USP34: variants seen among roughly 807,000 people sequenced by gnomAD.
The protein encoded by USP34 is ubiquitin specific peptidase 34.
In USP34, 70 loss-of-function variants were observed where a neutral mutation model predicts 460.3. That is an observed-to-expected ratio of 0.15 (90% CI 0.13 to 0.19). USP34 has a LOEUF of 0.19. Ranked by LOEUF, USP34 falls within the 10% of genes least tolerant of loss-of-function variation. The pLI, the probability that USP34 is intolerant of heterozygous loss-of-function variation, is 1.00. For synonymous variants in USP34, 1,647 were observed against 1,405.3 expected (o/e 1.17, Z -3.85); for missense variants, 3,985 against 4,236.2 (o/e 0.94, Z 1.65).
chr2:61,429,420 C>G (rs1431474287), intron 1 of USP34, among the ~76,000 whole-genome samples: 1 of 152,162 alleles, frequency 6.6e-6, no homozygotes, highest in African/African-American at 2.4e-5. Context: ...GCACTCCAGC[C>G]TGGGCAACAG....
chr2:61,459,148 G>A (rs954645823), intron 1 of USP34, among the ~76,000 whole-genome samples: 5 of 152,156 alleles, frequency 3.3e-5, no homozygotes, highest in African/African-American at 1.2e-4. Flanking sequence ...TTTCTTATGA[G>A]TTTCCCAACT....
At chr2:61,465,228 G>A (rs542907550) in intron 1 of USP34, among the ~76,000 whole-genome samples, 47 of 152,212 alleles carry the variant, frequency 3.1e-4, no homozygotes, top group African/African-American at 1.1e-3. Flanking sequence ...CTTATGATAG[G>A]ATCCTTAGTC....
chr2:61,412,189 C>CA (rs10581550), intron 2 of USP34, among the ~76,000 whole-genome samples: 1,433 of 91,910 alleles, frequency 0.016, 13 homozygotes, highest in African/African-American at 0.034. Flanking sequence ...AACTCCATCT[C>CA]AAAAAAAAAA....
rs1302997872 is a variant in USP34 at position 61,236,084 on chromosome 2, A to G, written c.6919-11T>C. ...AAAGGAAGTGCTTAACTGTAAGAAA[A>G]GATAAAGCAAAAAAGCTTCAATCAT... On this transcript the variant is annotated splice_polypyrimidine_tract_variant and intron_variant, in intron 55 of 79. Transcript: ENST00000398571. 6.3e-7 allele frequency: 1 copy of G among 1,598,696 alleles called. No homozygotes were observed. Among genetic ancestry groups the G allele is most frequent in the Non-Finnish European group, 8.5e-7 (1 of 1,176,224 alleles).
Position 61,214,309 on chromosome 2 carries a change from G to A in USP34, c.8433C>T (p.Asp2811=). 3 of 1,614,246 alleles carry A rather than the reference G, an allele frequency of 1.9e-6. No individual in the cohort carries two copies. The highest frequency in any genetic ancestry group is 2.5e-6 in the Non-Finnish European group (3 of 1,180,046). ...LLSFWYNVCA[D]CPENIRLIVQ... is the part of the protein sequence containing the mutation. ...CAATAAGGCGGATATTCTCTGGACA[G>A]TCAGCACAGACATTGTACCAAAATG... Residue 2811 remains aspartate, a synonymous_variant, in exon 68 of 80, where the codon GAC becomes GAT. Coordinates refer to ENST00000398571, the MANE Select transcript of USP34 (RefSeq NM_014709.4).
chr2:61,423,976 TAAATA>T (rs1476269378), intron 1 of USP34, among the ~76,000 whole-genome samples: 1 of 151,956 alleles, frequency 6.6e-6, no homozygotes, highest in Non-Finnish European at 1.5e-5. Context: ...AACAACAAAA[TAAATA>T]AAATAAATGT....
At chr2:61,205,518 T>TG (rs753334801) in intron 72 of USP34, among the ~76,000 whole-genome samples, 4 of 151,686 alleles carry the variant, frequency 2.6e-5, no homozygotes, top group African/African-American at 7.3e-5. Context: ...TCTAATGTAG[T>TG]GAAAAAAAAA....
chr2:61,403,942 G>A (rs1015386012), intron 3 of USP34, among the ~76,000 whole-genome samples: 9 of 124,488 alleles, frequency 7.2e-5, no homozygotes, highest in Middle Eastern at 6.7e-3. Flanking sequence ...GCAGTGAGCC[G>A]AGATCACACC....
At chr2:61,258,616 A>AG (rs969882311) in intron 44 of USP34, among the ~76,000 whole-genome samples, 3 of 152,076 alleles carry the variant, frequency 2.0e-5, no homozygotes, top group African/African-American at 7.2e-5. Flanking sequence ...CCAAATGGAG[A>AG]GGGATAAGAT....
chr2:61,363,092 A>G (rs1363355969), intron 10 of USP34, among the ~76,000 whole-genome samples: 1 of 152,238 alleles, frequency 6.6e-6, no homozygotes, highest in Non-Finnish European at 1.5e-5. Context: ...ATAGCCAATG[A>G]GCACAGGAAA....
At chr2:61,226,891 A>G in intron 62 of USP34, 176 bp downstream of exon 62, 1 of 752,112 alleles carries the variant, frequency 1.3e-6, no homozygotes, top group Non-Finnish European at 1.9e-6. Flanking sequence ...TTATGCCACA[A>G]GAGTTGATGA....
chr2:61,328,300 CAA>C (rs200821675), intron 20 of USP34, among the ~76,000 whole-genome samples: 5 of 94,050 alleles, frequency 5.3e-5, no homozygotes, highest in Admixed American at 9.6e-5. Context: ...AAAACTCCGT[CAA>C]AAAAAAAAAA....
chr2:61,361,354 C>T (rs1226280407), intron 10 of USP34, among the ~76,000 whole-genome samples: 1 of 152,106 alleles, frequency 6.6e-6, no homozygotes, highest in African/African-American at 2.4e-5. Flanking sequence ...TGCAGGAAGT[C>T]GAGGCTGCAA....
rs558174662 is a variant in USP34, at chr2:61,284,789, T to G, written c.4832+86A>C. On this transcript the variant is annotated intron_variant, in intron 35 of 79. Transcript: ENST00000398571. ...CATAATATCCCCCAAATTTTTCTAT[T>G]AAGTTTAGAATTTTTCAAAATAAAG... 106 of 1,103,340 alleles carry G rather than the reference T, an allele frequency of 9.6e-5. No individual in the cohort carries two copies. The African/African-American group carries it at 1.5e-3, about 15-fold the overall frequency. The allele number at this position is 1,103,340 out of a possible 1,614,324, so 68.3% of individuals were successfully genotyped here.
At chr2:61,456,970 G>A (rs953870979) in intron 1 of USP34, among the ~76,000 whole-genome samples, 1 of 151,852 alleles carries the variant, frequency 6.6e-6, no homozygotes, top group African/African-American at 2.4e-5. Flanking sequence ...AACAGAGCAA[G>A]ACTCTGTCTG....
At chr2:61,442,791 G>C (rs1340171110) in intron 1 of USP34, among the ~76,000 whole-genome samples, 1 of 152,078 alleles carries the variant, frequency 6.6e-6, no homozygotes, top group Non-Finnish European at 1.5e-5. Flanking sequence ...CACTGTATCA[G>C]AGACGTCTGC....
At chr2:61,352,596 G>GA (rs1451288603) in intron 10 of USP34, among the ~76,000 whole-genome samples, 4 of 149,686 alleles carry the variant, frequency 2.7e-5, no homozygotes, top group African/African-American at 9.8e-5. Flanking sequence ...GCAAAGTGCT[G>GA]AAATTACAGG....
intron 44 of USP34, 59 bp from the exon 45 acceptor site, chr2:61,257,409 C>A: frequency 7.0e-7 from 1 of 1,421,632 alleles, no homozygotes; most frequent in South Asian, 1.6e-5. Context: ...ATTATAGGTT[C>A]TTCAATGAAC....
chr2:61,395,811 A>AT (rs1693504913), intron 3 of USP34, among the ~76,000 whole-genome samples: 2 of 148,896 alleles, frequency 1.3e-5, no homozygotes, highest in African/African-American at 4.9e-5. Flanking sequence ...AAAAAAAAAA[A>AT]TCCCAGCACT....
Sources: gnomAD v4.1 joint callset for allele counts (sites outside exome capture counted in the v4.1 genomes callset) on GRCh38, gnomAD v4.1.1 for gene constraint, MANE v1.5 for transcripts, NCBI Gene and HGNC (gene_info 2026-07-23, HGNC 2026-07-21) for gene names.